UTP4: variants seen among roughly 807,000 people sequenced by gnomAD.
The protein encoded by UTP4 is UTP4 small subunit processome component, also known as U3 small nucleolar RNA-associated protein 4 homolog.
A neutral mutation model predicts 82.4 loss-of-function variants in UTP4; 45 were observed. The observed-to-expected ratio is 0.55, with a 90% CI of 0.43 to 0.70. The LOEUF (loss-of-function observed/expected upper bound fraction) is 0.70. Among genes scored for constraint, UTP4 ranks in the 30% least tolerant of loss-of-function variants. The probability of loss-of-function intolerance (pLI) is 0.00; values close to 1 mark genes in which losing one functional copy is unlikely to be tolerated. For missense variants in UTP4, 819 were observed against 858.3 expected (o/e 0.95, Z 0.57); for synonymous variants, 348 against 300.3 (o/e 1.16, Z -1.64).
intron 1 of UTP4, 108 bp downstream of exon 1, chr16:69,132,797 C>T (rs910065836): frequency 8.9e-6 from 2 of 224,938 alleles, no homozygotes; most frequent in African/African-American, 2.4e-5. Context: ...CGAGGGTCTC[C>T]TTGTCCCGAG....
chr16:69,165,188 C>G (rs1435380606), intron 14 of UTP4, among the ~76,000 whole-genome samples, 153 bp from the exon 15 acceptor site: 1 of 150,330 alleles, frequency 6.7e-6, no homozygotes, highest in African/African-American at 2.5e-5. Context: ...GAGTGAGACT[C>G]CATCTCAAAA....
At position 69,167,180 on chromosome 16, in the gene UTP4, T is replaced by C. The variant is rs377461398; in HGVS notation, c.1939T>C (p.Tyr647His). 3.1e-6 allele frequency: 5 copies of C among 1,591,608 alleles called. No homozygotes were observed. Among genetic ancestry groups the C allele is most frequent in the Middle Eastern group, 1.7e-4 (1 of 6,020 alleles). Residue 647 changes from tyrosine to histidine, a missense_variant, in exon 16 of 17, where the codon TAT (tyrosine) becomes CAT (histidine). Transcript: ENST00000314423. ...TAHAFKISKI[Y>H]KPLLFMDLLD... is the part of the protein sequence containing the mutation. ...TCATGCTTTTAAAATTTCTAAGATATATAAGGTAAAACATCTTGTGTTGTT... is the reference window on the plus strand; with the variant it reads ...TCATGCTTTTAAAATTTCTAAGATACATAAGGTAAAACATCTTGTGTTGTT...
chr16:69,155,863 A>T lies in UTP4; in HGVS notation c.1165-8A>T. 6.2e-7 allele frequency: 1 copy of T among 1,614,074 alleles called. No individual in the cohort carries two copies. Among genetic ancestry groups the T allele is most frequent in the Non-Finnish European group, 8.5e-7 (1 of 1,179,988 alleles). On this transcript the variant is annotated splice_polypyrimidine_tract_variant and splice_region_variant and intron_variant, in intron 10 of 16. Transcript: ENST00000314423. ...TTGCACATTCATCTTGATTCCTGAT[A>T]TTGCCAGGGTCCTGAGAACATTATC... is the stretch of plus-strand genomic sequence containing the variant.
intron 6 of UTP4, among the ~76,000 whole-genome samples, chr16:69,149,658 C>T (rs1963208475): frequency 6.6e-6 from 1 of 152,148 alleles, no homozygotes; most frequent in Admixed American, 6.5e-5. Flanking sequence ...TCCTGAGTAG[C>T]TGGGACTACA....
In UTP4 at chr16:69,150,538, A is replaced by G. The variant is rs763798194; in HGVS notation, c.740A>G (p.Gln247Arg). The G allele has an allele frequency of 6.2e-7, 1 of 1,614,228 alleles. No homozygotes were observed. The highest frequency in any genetic ancestry group is 8.5e-7 in the Non-Finnish European group (1 of 1,180,044). Residue 247 changes from glutamine to arginine, a missense_variant and splice_region_variant, in exon 7 of 17, where the codon CAA becomes CGA. Physicochemically the swap from Gln to Arg is conservative, Grantham distance 43. Coordinates refer to ENST00000314423, the MANE Select transcript of UTP4 (RefSeq NM_032830.3). ...ADVQSIAVAD[Q>R]EDSFVVGTAE... ...CTCCCTCATGATTTAATTCCTCAGC[A>G]AGAAGACAGTTTCGTGGTGGGCACA...
chr16:69,153,622 C>A lies in UTP4; in HGVS notation c.1041C>A (p.Leu347=). The stretch of plus-strand genomic sequence containing the variant: ...CCTGTTCTAAAAAGAGGCAGCTTCT[C>A]CTCTTCCAGTTTGCTCATCACTTAG... ...LISCSKKRQL[L]LFQFAHHLEL... Residue 347 remains leucine, a synonymous_variant, in exon 9 of 17, where the codon CTC becomes CTA. Transcript: ENST00000314423. 6.2e-7 allele frequency: 1 copy of A among 1,613,604 alleles called. No homozygotes were observed. Among genetic ancestry groups the A allele is most frequent in the Non-Finnish European group, 8.5e-7 (1 of 1,179,786 alleles).
chr16:69,159,995 A>C (rs1287402310), intron 12 of UTP4, among the ~76,000 whole-genome samples: 1 of 151,968 alleles, frequency 6.6e-6, no homozygotes, highest in Non-Finnish European at 1.5e-5. Flanking sequence ...AAAAAAAAAA[A>C]AACAAAAAAC....
intron 15 of UTP4, chr16:69,166,852 C>G (rs572134058): frequency 1.8e-6 from 1 of 559,288 alleles, no homozygotes; most frequent in East Asian, 3.1e-5. Flanking sequence ...GTAGCTTCAG[C>G]TCTTTCTCCC....
chr16:69,148,457 C>G (rs1963179324), intron 6 of UTP4, among the ~76,000 whole-genome samples: 1 of 151,554 alleles, frequency 6.6e-6, no homozygotes, highest in South Asian at 2.1e-4. Context: ...GGTCTCTAAC[C>G]CCGACCTCAA....
chr16:69,154,354 C>A lies in UTP4; in HGVS notation c.1100-39C>A, dbSNP rs528665197. ...GAAGAAAAATGTACAAATACTCTTT[C>A]TTTCATAAGAAAAATCTCAGGGAAG... is the stretch of plus-strand genomic sequence containing the variant. On this transcript the variant is annotated intron_variant, in intron 9 of 16. Transcript: ENST00000314423. 40 of 1,500,384 alleles carry A rather than the reference C, an allele frequency of 2.7e-5. No individual in the cohort carries two copies. In the Admixed American group the frequency reaches 6.2e-4, roughly 23 times the overall value. 92.9% of individuals were successfully genotyped at this position (1,500,384 alleles called of 1,614,324 possible).
At chr16:69,135,224 T>C (rs890276359) in intron 2 of UTP4, among the ~76,000 whole-genome samples, 6 of 152,206 alleles carry the variant, frequency 3.9e-5, no homozygotes, top group Admixed American at 2.6e-4. Flanking sequence ...CACTGCTTAA[T>C]GTTTCTTGAA....
rs552248390 is a variant in UTP4, at chr16:69,132,770, G to T, written c.-3+81G>T. On this transcript the variant is annotated intron_variant, in intron 1 of 16. Transcript: ENST00000314423. Reference sequence around the variant, plus strand: ...GGTGGCCGGCCCAGGGTCGGCGTCCGGCTGAGCTCCTTGTCCCGAGGGTCT... The same window carrying T: ...GGTGGCCGGCCCAGGGTCGGCGTCCTGCTGAGCTCCTTGTCCCGAGGGTCT... 10 of 236,766 alleles carry T rather than the reference G, an allele frequency of 4.2e-5. No individual in the cohort carries two copies. In the East Asian group the frequency reaches 1.3e-3, roughly 30 times the overall value. 14.7% of individuals were successfully genotyped at this position (236,766 alleles called of 1,614,324 possible).
In UTP4 at chr16:69,157,105, C is replaced by T. The variant is rs749312950; in HGVS notation, c.1309C>T (p.Leu437Phe). Residue 437 changes from leucine to phenylalanine, a missense_variant, in exon 12 of 17, where the codon CTT (leucine) becomes TTT (phenylalanine). Transcript: ENST00000314423. Reference protein sequence around the residue: ...LKRVSKMPAFLRSALQILFSE... With the variant: ...LKRVSKMPAFFRSALQILFSE... ...AAAGGTTTCCAAAATGCCAGCATTC[C>T]TTCGCTCTGCCCTTCAGATTTTGTT... 1.9e-6 allele frequency: 3 copies of T among 1,614,192 alleles called. No homozygotes were observed. Among genetic ancestry groups the T allele is most frequent in the South Asian group, 2.2e-5 (2 of 91,084 alleles).
intron 4 of UTP4, 97 bp from the exon 5 acceptor site, chr16:69,139,728 G>A (rs1243955040): frequency 2.5e-6 from 2 of 797,096 alleles, no homozygotes; most frequent in Admixed American, 3.5e-5. Context: ...AGCTAAGATT[G>A]TAGAACACTC....
chr16:69,143,766 A>G (rs1963032660), intron 6 of UTP4, among the ~76,000 whole-genome samples: 1 of 152,166 alleles, frequency 6.6e-6, no homozygotes, highest in African/African-American at 2.4e-5. Context: ...GTCTCCCTAT[A>G]TTACCCAAGG....
chr16:69,161,819 A>C (rs1392590664), intron 13 of UTP4, among the ~76,000 whole-genome samples: 1 of 151,950 alleles, frequency 6.6e-6, no homozygotes, highest in Non-Finnish European at 1.5e-5. Context: ...GAGTCCCACC[A>C]CACCTAGCTA....
intron 6 of UTP4, among the ~76,000 whole-genome samples, chr16:69,149,401 T>G (rs1026311136): frequency 2.7e-5 from 4 of 150,484 alleles, no homozygotes; most frequent in African/African-American, 7.3e-5. Flanking sequence ...AAAACAAAAA[T>G]TAGCCGGGTG....
At chr16:69,162,540 C>T (rs1963590221) in intron 13 of UTP4, among the ~76,000 whole-genome samples, 1 of 151,816 alleles carries the variant, frequency 6.6e-6, no homozygotes, top group Non-Finnish European at 1.5e-5. Context: ...GGTGAAACCC[C>T]GTCTCTACTA....
intron 3 of UTP4, 120 bp from the exon 4 acceptor site, chr16:69,137,681 G>T (rs1397622516): frequency 2.9e-6 from 2 of 687,740 alleles, no homozygotes; most frequent in Non-Finnish European, 5.2e-6. Context: ...CACGGCAACT[G>T]ATAGCTTTAA....
Sources: allele counts gnomAD v4.1 joint callset (sites outside exome capture counted in the v4.1 genomes callset), GRCh38; gene constraint gnomAD v4.1.1; transcripts MANE v1.5; gene names NCBI Gene and HGNC (gene_info 2026-07-23, HGNC 2026-07-21).